UNC13B: variants seen among roughly 807,000 people sequenced by gnomAD.
UNC13B encodes the protein unc-13 homolog B.
UNC13B carries 144 observed loss-of-function variants against 211.0 expected under a neutral mutation model. That is an observed-to-expected ratio of 0.68 (90% CI 0.60 to 0.78). UNC13B has a LOEUF of 0.78. Among genes scored for constraint, UNC13B ranks in the 30% least tolerant of loss-of-function variants. The pLI is 0.00. For synonymous variants in UNC13B, 709 were observed against 725.8 expected (o/e 0.98, Z 0.37); for missense variants, 1,777 against 2,002.0 (o/e 0.89, Z 2.14).
Position 35,182,923 on chromosome 9 carries a change from C to A in UNC13B, c.22+20618C>A, listed in dbSNP as rs576891010. On this transcript the variant is annotated intron_variant, in intron 1 of 39. Transcript: ENST00000635942. ...ATCTCTCTTTCTTTTCCCCACATTT[C>A]CCCCTTTTCTTTTCGACAAAACCGC... Among the ~76,000 whole-genome samples the A allele has an allele frequency of 8.4e-3, 1,273 of 152,246 alleles. 17 individuals carry two copies. The highest frequency in any genetic ancestry group is 0.015 in the Non-Finnish European group (996 of 68,010).
At chr9:35,246,097 G>A (rs530400112) in intron 6 of UNC13B, among the ~76,000 whole-genome samples, 10 of 152,208 alleles carry the variant, frequency 6.6e-5, no homozygotes, top group Non-Finnish European at 1.5e-4. Flanking sequence ...TTCTCTGATG[G>A]CCAGTGATGA....
At chr9:35,310,916 T>C in intron 10 of UNC13B, 135 bp downstream of exon 10, 2 of 762,746 alleles carry the variant, frequency 2.6e-6, no homozygotes, top group Non-Finnish European at 4.2e-6. Flanking sequence ...GGCTCAACTC[T>C]GTATTGCTTC....
chr9:35,329,073 G>A (rs371131966), intron 11 of UNC13B, among the ~76,000 whole-genome samples: 2 of 151,694 alleles, frequency 1.3e-5, no homozygotes, highest in African/African-American at 2.4e-5. Context: ...GCCCAGCCCC[G>A]AATTGTCCCC....
intron 9 of UNC13B, among the ~76,000 whole-genome samples, chr9:35,308,867 C>T (rs565558534): frequency 1.3e-5 from 2 of 152,134 alleles, no homozygotes; most frequent in Non-Finnish European, 1.5e-5. Flanking sequence ...TTCAAGTCTT[C>T]TAAGATGCTT....
At chr9:35,384,932 A>G (rs1835094401) in intron 22 of UNC13B, 5 of 745,694 alleles carry the variant, frequency 6.7e-6, no homozygotes, top group Non-Finnish European at 8.2e-6. Context: ...CAGGCAATAT[A>G]TGCACATTAA....
intron 13 of UNC13B, 49 bp from the exon 14 acceptor site, chr9:35,375,078 T>C (rs1244244665): frequency 3.1e-6 from 5 of 1,607,452 alleles, no homozygotes; most frequent in Non-Finnish European, 4.3e-6. Context: ...CCCCAGACTT[T>C]GCCAGCCCTT....
intron 2 of UNC13B, among the ~76,000 whole-genome samples, chr9:35,228,611 T>C (rs1825003522): frequency 6.6e-6 from 1 of 152,082 alleles, no homozygotes; most frequent in Admixed American, 6.6e-5. Flanking sequence ...TATTGGGTCA[T>C]ATATAAAATT....
chr9:35,391,521 G>A (rs1835533460), intron 26 of UNC13B, among the ~76,000 whole-genome samples: 1 of 152,196 alleles, frequency 6.6e-6, no homozygotes, highest in African/African-American at 2.4e-5. Context: ...GAATCAGTGA[G>A]TCTTGAGATT....
At chr9:35,352,757 G>A (rs910303827) in intron 11 of UNC13B, 6 of 1,232,190 alleles carry the variant, frequency 4.9e-6, no homozygotes, top group Non-Finnish European at 6.1e-6. Context: ...CAGCTGTGAT[G>A]AACTGTCAGA....
chr9:35,405,071 G>A lies in UNC13B; in HGVS notation c.*1038G>A, dbSNP rs1247118312. The A allele has an allele frequency of 6.6e-6, 1 of 152,638 alleles. No individual in the cohort carries two copies. 9.5% of individuals were successfully genotyped at this position (152,638 alleles called of 1,614,324 possible). On this transcript the variant is annotated 3_prime_UTR_variant, in exon 40 of 40. Transcript: ENST00000635942. The stretch of plus-strand genomic sequence containing the variant: ...ATCCCTCTGTACAGGCTGGATGGAA[G>A]GGGCCCTCCACACTTCCTGGGAGGT...
chr9:35,294,573 T>G (rs980829030), intron 7 of UNC13B, among the ~76,000 whole-genome samples: 1 of 152,240 alleles, frequency 6.6e-6, no homozygotes, highest in African/African-American at 2.4e-5. Flanking sequence ...CCCAAAGTGC[T>G]GGGATTACAG....
At chr9:35,396,692 G>A (rs1382736019) in intron 27 of UNC13B, 90 bp downstream of exon 27, 52 of 1,598,902 alleles carry the variant, frequency 3.3e-5, no homozygotes, top group Non-Finnish European at 3.8e-5. Flanking sequence ...AGCCAGTCTC[G>A]GGGACTGCCT....
At chr9:35,311,659 T>C (rs780662226) in intron 10 of UNC13B, among the ~76,000 whole-genome samples, 1 of 152,154 alleles carries the variant, frequency 6.6e-6, no homozygotes, top group Non-Finnish European at 1.5e-5. Context: ...GAAAATCCCA[T>C]TGGAAAATAA....
At chr9:35,249,485 G>T (rs990593195) in intron 6 of UNC13B, among the ~76,000 whole-genome samples, 7 of 152,148 alleles carry the variant, frequency 4.6e-5, no homozygotes, top group Admixed American at 6.5e-5. Flanking sequence ...TTTTTGCAGT[G>T]GCTGGTACCG....
At chr9:35,248,140 G>C (rs1342505402) in intron 6 of UNC13B, among the ~76,000 whole-genome samples, 1 of 152,108 alleles carries the variant, frequency 6.6e-6, no homozygotes, top group Non-Finnish European at 1.5e-5. Context: ...GTTTATTTGC[G>C]TAGAGGTGTT....
chr9:35,176,624 A>G (rs1485281632), intron 1 of UNC13B, among the ~76,000 whole-genome samples: 2 of 152,196 alleles, frequency 1.3e-5, no homozygotes, highest in Non-Finnish European at 2.9e-5. Context: ...AATGGTGAGG[A>G]AAAAACCCCT....
At chr9:35,198,780 A>G (rs1050834127) in intron 1 of UNC13B, among the ~76,000 whole-genome samples, 1 of 152,162 alleles carries the variant, frequency 6.6e-6, no homozygotes, top group African/African-American at 2.4e-5. Flanking sequence ...CTTACTGGGA[A>G]CTGGAGCAAA....
chr9:35,195,748 TA>T (rs761924054), intron 1 of UNC13B, among the ~76,000 whole-genome samples: 18 of 152,230 alleles, frequency 1.2e-4, no homozygotes, highest in East Asian at 9.6e-4. Context: ...GATTCTGTTT[TA>T]AAAAGCTAGA....
chr9:35,245,979 T>C (rs1386697870), intron 6 of UNC13B, among the ~76,000 whole-genome samples: 1 of 152,134 alleles, frequency 6.6e-6, no homozygotes, highest in Non-Finnish European at 1.5e-5. Context: ...AGTGTAAAAG[T>C]GTTCCTATTT....
Sources: gnomAD v4.1 joint callset for allele counts (sites outside exome capture counted in the v4.1 genomes callset) on GRCh38, gnomAD v4.1.1 for gene constraint, MANE v1.5 for transcripts, NCBI Gene and HGNC (gene_info 2026-07-23, HGNC 2026-07-21) for gene names.